The following ANO3 variants were observed in gnomAD, a reference collection of about 807,000 sequenced individuals.
ANO3 encodes anoctamin-3.
Under a neutral mutation model 144.8 loss-of-function variants are expected in ANO3, and 99 were observed. The ratio of observed to expected loss-of-function variants is 0.68; its 90% confidence interval spans 0.58 to 0.81. The LOEUF (loss-of-function observed/expected upper bound fraction) is 0.81, where lower values mean the gene tolerates loss of function less well. ANO3 is among the 30% of genes least tolerant of loss of function. ANO3 has a pLI of 0.00. For synonymous variants in ANO3, 414 were observed against 392.6 expected (o/e 1.05, Z -0.64); for missense variants, 905 against 1,202.2 (o/e 0.75, Z 3.66).
At chr11:26,486,190 G>A (rs1434413845) in intron 4 of ANO3, among the ~76,000 whole-genome samples, 1 of 151,872 alleles carries the variant, frequency 6.6e-6, no homozygotes, top group East Asian at 1.9e-4. Flanking sequence ...GTAAAACCCT[G>A]TCTCTACTAA....
chr11:26,238,073 T>C (rs1340835532), intron 1 of ANO3, among the ~76,000 whole-genome samples: 1 of 152,160 alleles, frequency 6.6e-6, no homozygotes, highest in Non-Finnish European at 1.5e-5. Flanking sequence ...AGAATCTTTT[T>C]ATCTTCATTC....
chr11:26,504,292 T>C (rs1861324780), intron 4 of ANO3, among the ~76,000 whole-genome samples: 1 of 152,192 alleles, frequency 6.6e-6, no homozygotes, highest in African/African-American at 2.4e-5. Flanking sequence ...GCCAGTATTC[T>C]TGAGGTTAAC....
intron 26 of ANO3, 120 bp from the exon 27 acceptor site, chr11:26,660,142 G>T: frequency 2.5e-6 from 2 of 810,502 alleles, no homozygotes; most frequent in Middle Eastern, 3.5e-4. Flanking sequence ...ATTCTAAATG[G>T]TACATACTAA....
At chr11:26,498,284 T>A (rs1026051418) in intron 4 of ANO3, among the ~76,000 whole-genome samples, 1 of 151,958 alleles carries the variant, frequency 6.6e-6, no homozygotes, top group Non-Finnish European at 1.5e-5. Context: ...TTAGTTATAA[T>A]AACTATAGGG....
At chr11:26,467,657 C>CTTT (rs71047851) in intron 4 of ANO3, among the ~76,000 whole-genome samples, 1 of 145,656 alleles carries the variant, frequency 6.9e-6, no homozygotes, top group Non-Finnish European at 1.5e-5. Flanking sequence ...ATATGTTCCA[C>CTTT]TTTTTTTTTT....
chr11:26,282,697 C>T (rs765673449), intron 1 of ANO3, among the ~76,000 whole-genome samples: 1 of 152,044 alleles, frequency 6.6e-6, no homozygotes, highest in Non-Finnish European at 1.5e-5. Flanking sequence ...CAGTTGAAAA[C>T]AATACTTAGT....
Position 26,660,248 on chromosome 11 carries a change from A to C in ANO3, c.2764-14A>C. On this transcript the variant is annotated splice_polypyrimidine_tract_variant and intron_variant, in intron 26 of 26. Transcript: ENST00000256737. ...AATCTTTGAAAACTGTCCTTTTCACATTTAAATTTGCAGCACCTTGTTTTT... is the reference window on the plus strand; with the variant it reads ...AATCTTTGAAAACTGTCCTTTTCACCTTTAAATTTGCAGCACCTTGTTTTT... The C allele has an allele frequency of 6.2e-7, 1 of 1,612,038 alleles. No homozygotes were observed. The highest frequency in any genetic ancestry group is 1.3e-5 in the African/African-American group (1 of 74,938).
rs1259013799 is a variant in ANO3, at chr11:26,378,411, TA to T, written c.46+46091del. Among the ~76,000 whole-genome samples, 11 of 41,684 alleles carry T rather than the reference TA, an allele frequency of 2.6e-4. No individual in the cohort carries two copies. The East Asian group carries it at 0.011, about 43-fold the overall frequency. The allele number at this position is 41,684 out of a possible 152,430, so 27.3% of individuals were successfully genotyped here. On this transcript the variant is annotated intron_variant, in intron 1 of 26. Coordinates refer to ENST00000256737, the MANE Select transcript of ANO3 (RefSeq NM_031418.4). ...ATAATCTATATATTATCTATCTATA[TA>T]TATTATTTATCTATCTATCTATCAT...
At chr11:26,314,832 A>C (rs901752390) in intron 1 of ANO3, among the ~76,000 whole-genome samples, 1 of 152,192 alleles carries the variant, frequency 6.6e-6, no homozygotes, top group Non-Finnish European at 1.5e-5. Flanking sequence ...AGAGGTGTTC[A>C]GTAAATGTGA....
chr11:26,452,876 A>G (rs759695131), intron 3 of ANO3, among the ~76,000 whole-genome samples: 61 of 152,238 alleles, frequency 4.0e-4, no homozygotes, highest in Non-Finnish European at 6.5e-4. Context: ...CTGACAGCAG[A>G]TCTCTCGGCA....
At position 26,245,018 on chromosome 11, in the gene ANO3, T is replaced by TGTGTGTGTGTGTGTGTGCGCGC. The variant is rs151031559; in HGVS notation, c.154+55691_154+55692insTGTGTGTGTGTGTGCGCGCGTG. ...GTGTGTGTGTGTGTGTGTGTGTGTG[T>TGTGTGTGTGTGTGTGTGCGCGC]GTGCATGCATGCATTTGTCTTTCAT... is the stretch of plus-strand genomic sequence containing the variant. On this transcript the variant is annotated intron_variant, in intron 1 of 27. Coordinates refer to the ANO3 transcript ENST00000672621. 3.2e-4 allele frequency among the ~76,000 whole-genome samples: 47 copies of TGTGTGTGTGTGTGTGTGCGCGC among 145,426 alleles called. 2 individuals are homozygous for TGTGTGTGTGTGTGTGTGCGCGC. Among genetic ancestry groups the TGTGTGTGTGTGTGTGTGCGCGC allele is most frequent in the Non-Finnish European group, 6.1e-4 (40 of 66,064 alleles).
chr11:26,326,436 CT>C (rs747503073), intron 1 of ANO3, among the ~76,000 whole-genome samples: 3 of 152,128 alleles, frequency 2.0e-5, no homozygotes, highest in Non-Finnish European at 2.9e-5. Flanking sequence ...TATGCACGTA[CT>C]TTTTTGCCAA....
intron 1 of ANO3, among the ~76,000 whole-genome samples, chr11:26,423,422 T>C (rs1408549272): frequency 6.6e-6 from 1 of 151,580 alleles, no homozygotes; most frequent in Non-Finnish European, 1.5e-5. Context: ...CAAAAATTGT[T>C]TAGAATTATT....
At chr11:26,204,732 A>G (rs1296695859) in intron 1 of ANO3, among the ~76,000 whole-genome samples, 1 of 152,080 alleles carries the variant, frequency 6.6e-6, no homozygotes, top group Non-Finnish European at 1.5e-5. Flanking sequence ...CTTTTCTTAT[A>G]GCAGTTCTTA....
chr11:26,614,405 C>T (rs1852189604), intron 17 of ANO3, among the ~76,000 whole-genome samples: 1 of 152,124 alleles, frequency 6.6e-6, no homozygotes, highest in Non-Finnish European at 1.5e-5. Context: ...CAGCTGAGGT[C>T]ATGGTACTGT....
intron 1 of ANO3, among the ~76,000 whole-genome samples, chr11:26,318,909 A>G (rs1007168379): frequency 6.6e-6 from 1 of 152,116 alleles, no homozygotes; most frequent in Non-Finnish European, 1.5e-5. Context: ...CATATACATA[A>G]TTTTACACAA....
At chr11:26,232,848 C>A (rs1000357883) in intron 1 of ANO3, among the ~76,000 whole-genome samples, 1 of 152,128 alleles carries the variant, frequency 6.6e-6, no homozygotes, top group Non-Finnish European at 1.5e-5. Context: ...AACAGACAAC[C>A]TACAGAATAG....
chr11:26,442,644 G>A (rs1858562076), intron 2 of ANO3, among the ~76,000 whole-genome samples: 1 of 152,108 alleles, frequency 6.6e-6, no homozygotes, highest in African/African-American at 2.4e-5. Flanking sequence ...GCTACCCTTA[G>A]GCACTCTTCT....
intron 1 of ANO3, among the ~76,000 whole-genome samples, chr11:26,262,239 G>A (rs573877868): frequency 2.6e-5 from 4 of 152,102 alleles, no homozygotes; most frequent in Non-Finnish European, 4.4e-5. Context: ...CTATTTTCTC[G>A]TACTTCTATT....
Sources: allele counts gnomAD v4.1 joint callset (sites outside exome capture counted in the v4.1 genomes callset), GRCh38; gene constraint gnomAD v4.1.1; transcripts MANE v1.5; gene names NCBI Gene and HGNC (gene_info 2026-07-23, HGNC 2026-07-21).